The following PKHD1 variants were observed in gnomAD, a reference collection of about 807,000 sequenced individuals.
The protein encoded by PKHD1 is PKHD1 ciliary IPT domain containing fibrocystin/polyductin.
PKHD1 carries 291 observed loss-of-function variants against 412.0 expected under a neutral mutation model. The observed-to-expected ratio is 0.71, with a 90% CI of 0.64 to 0.78. PKHD1 has a LOEUF of 0.78. Among genes scored for constraint, PKHD1 ranks in the 30% least tolerant of loss-of-function variants. The pLI is 0.00. For synonymous variants in PKHD1, 1,777 were observed against 1,821.5 expected, an observed-to-expected ratio of 0.98 and a Z score of 0.62; for missense variants, 4,825 against 4,950.7, an observed-to-expected ratio of 0.97 and a Z score of 0.76.
At chr6:51,776,695 TA>T (rs1438167014) in intron 53 of PKHD1, among the ~76,000 whole-genome samples, 1 of 152,074 alleles carries the variant, frequency 6.6e-6, no homozygotes, top group African/African-American at 2.4e-5. Flanking sequence ...TAACAGAATC[TA>T]TTTGAACACA....
At chr6:51,945,293 G>A (rs1188359373) in intron 36 of PKHD1, among the ~76,000 whole-genome samples, 1 of 152,130 alleles carries the variant, frequency 6.6e-6, no homozygotes, top group Non-Finnish European at 1.5e-5. Context: ...GTAAAGGCAG[G>A]GAACAAAATC....
intron 60 of PKHD1, among the ~76,000 whole-genome samples, chr6:51,743,104 T>G (rs911089667): frequency 6.6e-6 from 1 of 152,088 alleles, no homozygotes; most frequent in Admixed American, 6.6e-5. Context: ...CTTACAGGCT[T>G]GTAGCTGGGA....
chr6:51,749,609 C>T (rs1450528349), intron 57 of PKHD1, among the ~76,000 whole-genome samples: 5 of 152,128 alleles, frequency 3.3e-5, no homozygotes, highest in African/African-American at 1.2e-4. Flanking sequence ...TTTATTTATT[C>T]ATACTCCTAA....
At chr6:51,719,295 ACCT>A (rs1259938490) in intron 60 of PKHD1, among the ~76,000 whole-genome samples, 2 of 151,838 alleles carry the variant, frequency 1.3e-5, no homozygotes, top group Non-Finnish European at 2.9e-5. Flanking sequence ...TGCAGCCTTG[ACCT>A]CCTGGGCTCC....
At chr6:51,884,575 CAAGAATATTTTTATTATTTA>C (rs531814321) in intron 45 of PKHD1, among the ~76,000 whole-genome samples, 33 of 152,092 alleles carry the variant, frequency 2.2e-4, no homozygotes, top group Admixed American at 1.4e-3. Context: ...AGTGCAATTC[CAAGAATATTTTTATTATTTA>C]AACTTTTTGA....
chr6:51,706,079 T>C (rs1362849933), intron 60 of PKHD1, among the ~76,000 whole-genome samples: 3 of 152,126 alleles, frequency 2.0e-5, no homozygotes, highest in African/African-American at 7.2e-5. Flanking sequence ...TTTCCCTAAA[T>C]GTATAATCAT....
chr6:52,040,555 T>C (rs983181759), intron 27 of PKHD1, among the ~76,000 whole-genome samples: 1 of 152,088 alleles, frequency 6.6e-6, no homozygotes, highest in Non-Finnish European at 1.5e-5. Flanking sequence ...CCCAAGGCCA[T>C]ATAACTTGCT....
At chr6:51,630,641 A>G (rs1767814539) in intron 65 of PKHD1, among the ~76,000 whole-genome samples, 1 of 152,202 alleles carries the variant, frequency 6.6e-6, no homozygotes, top group Admixed American at 6.6e-5. Flanking sequence ...CAAATTGAAA[A>G]TGACAGGCAC....
rs115651682 is a variant in PKHD1 at position 51,925,292 on chromosome 6, T to C, written c.6121+8818A>G. ...TCCTTTGAGAAGCTTTGTGTCAAGA[T>C]GAGAGGCTTGAAATCCTCGTGTGTC... On this transcript the variant is annotated intron_variant, in intron 37 of 66. Coordinates refer to ENST00000371117, the MANE Select transcript of PKHD1 (RefSeq NM_138694.4). 8.0e-3 allele frequency among the ~76,000 whole-genome samples: 1,212 copies of C among 152,312 alleles called. 21 individuals carry two copies. The highest frequency in any genetic ancestry group is 0.028 in the African/African-American group (1,167 of 41,564).
intron 60 of PKHD1, among the ~76,000 whole-genome samples, chr6:51,704,041 C>T (rs1210287082): frequency 6.6e-6 from 1 of 151,984 alleles, no homozygotes; most frequent in Non-Finnish European, 1.5e-5. Context: ...TGACAGGAGG[C>T]ACTAATGAGA....
intron 22 of PKHD1, 123 bp from the exon 23 acceptor site, chr6:52,048,742 A>G: frequency 9.0e-7 from 1 of 1,111,288 alleles, no homozygotes. Flanking sequence ...AAGGGACCTG[A>G]GGAAACTCAG....
At chr6:52,015,229 T>C (rs1800377267) in intron 34 of PKHD1, among the ~76,000 whole-genome samples, 1 of 152,248 alleles carries the variant, frequency 6.6e-6, no homozygotes, top group Non-Finnish European at 1.5e-5. Context: ...GATACATTCT[T>C]TATTACTAAA....
chr6:51,840,435 A>T (rs1769976900), intron 50 of PKHD1, among the ~76,000 whole-genome samples: 1 of 152,214 alleles, frequency 6.6e-6, no homozygotes, highest in South Asian at 2.1e-4. Flanking sequence ...CTTGATCAAG[A>T]CACCAACACA....
chr6:51,674,874 A>G (rs961175650), intron 60 of PKHD1, among the ~76,000 whole-genome samples: 10 of 152,230 alleles, frequency 6.6e-5, no homozygotes, highest in Non-Finnish European at 1.3e-4. Flanking sequence ...ATAAAGATAT[A>G]GCCACATATT....
chr6:52,001,534 A>T (rs1310743271), intron 35 of PKHD1, among the ~76,000 whole-genome samples: 3 of 150,774 alleles, frequency 2.0e-5, no homozygotes, highest in African/African-American at 7.3e-5. Context: ...GGTTCACGTC[A>T]TTCTCCTGCC....
intron 14 of PKHD1, 35 bp from the exon 15 acceptor site, chr6:52,060,077 C>A (rs1808444182): frequency 8.4e-7 from 1 of 1,189,592 alleles, no homozygotes. Context: ...GCAAGAGTAA[C>A]CAAGGCCTGA....
rs759764362 is a variant in PKHD1, at chr6:52,042,852, A to G, written c.3097+7T>C. On this transcript the variant is annotated splice_region_variant and intron_variant, in intron 27 of 66. Transcript: ENST00000371117. ...TCAGACATACTGTGAGACCCTCCCC[A>G]GATTACCAATATCCGCAGCTCTGGA... 8 of 1,613,186 alleles carry G rather than the reference A, an allele frequency of 5.0e-6. No individual in the cohort carries two copies. Among genetic ancestry groups the G allele is most frequent in the Non-Finnish European group, 5.9e-6 (7 of 1,179,532 alleles).
chr6:51,637,805 G>A (rs1361283201), intron 64 of PKHD1, among the ~76,000 whole-genome samples: 2 of 152,090 alleles, frequency 1.3e-5, no homozygotes, highest in Non-Finnish European at 2.9e-5. Context: ...TCAGGAGGCT[G>A]AGGCAGAAGA....
intron 13 of PKHD1, among the ~76,000 whole-genome samples, chr6:52,063,906 T>C (rs1809087894): frequency 6.6e-6 from 1 of 152,230 alleles, no homozygotes; most frequent in Non-Finnish European, 1.5e-5. Context: ...TTCAGGAAAT[T>C]ATCCTACCAC....
Sources: gnomAD v4.1 joint callset for allele counts (sites outside exome capture counted in the v4.1 genomes callset) on GRCh38, gnomAD v4.1.1 for gene constraint, MANE v1.5 for transcripts, NCBI Gene and HGNC (gene_info 2026-07-23, HGNC 2026-07-21) for gene names.